Variants in HIPK1 observed in about 807,000 individuals in gnomAD.
HIPK1 encodes homeodomain-interacting protein kinase 1.
In HIPK1, 28 loss-of-function variants were observed where a neutral mutation model predicts 117.1. The ratio of observed to expected loss-of-function variants is 0.24; its 90% CI spans 0.18 to 0.33. The LOEUF is 0.33. Among genes scored for constraint, HIPK1 ranks in the 10% least tolerant of loss-of-function variants. The probability of loss-of-function intolerance (pLI) is 1.00; values close to 1 mark genes in which losing one functional copy is unlikely to be tolerated. For missense variants in HIPK1, 1,122 were observed against 1,475.1 expected, an observed-to-expected ratio of 0.76 and a Z score of 3.92; for synonymous variants, 605 against 562.5, an observed-to-expected ratio of 1.08 and a Z score of -1.07.
At chr1:113,957,768 A>G (rs918902073) in intron 7 of HIPK1, among the ~76,000 whole-genome samples, 1 of 151,864 alleles carries the variant, frequency 6.6e-6, no homozygotes, top group Non-Finnish European at 1.5e-5. Flanking sequence ...GGAAGAGCCT[A>G]TGAGATTTGG....
In HIPK1 at chr1:113,929,505, G is replaced by C; in HGVS notation, c.-30G>C. 7.8e-7 allele frequency: 1 copy of C among 1,289,336 alleles called. No individual in the cohort carries two copies. Among genetic ancestry groups the C allele is most frequent in the Non-Finnish European group, 1.0e-6 (1 of 988,810 alleles). 79.9% of individuals were successfully genotyped at this position (1,289,336 alleles called of 1,614,324 possible). On this transcript the variant is annotated 5_prime_UTR_variant, in exon 1 of 16. Coordinates refer to ENST00000426820, the MANE Select transcript of HIPK1 (RefSeq NM_198268.3). ...ATCAGTACTATGCGATCGTCCTAGA[G>C]AGTCCATTCAGCTGCACTTCCGCCT...
chr1:113,969,607 A>G (rs749003814), intron 13 of HIPK1, among the ~76,000 whole-genome samples: 5 of 152,120 alleles, frequency 3.3e-5, no homozygotes, highest in Non-Finnish European at 7.4e-5. Flanking sequence ...TCTAAGAAAC[A>G]TTGCTTAAAA....
intron 13 of HIPK1, 131 bp from the exon 14 acceptor site, chr1:113,969,825 T>G: frequency 1.1e-6 from 1 of 941,904 alleles, no homozygotes; most frequent in Non-Finnish European, 1.7e-6. Context: ...GAGGATAGCT[T>G]GAGCCCAGGA....
At chr1:113,944,157 G>T (rs1289786158) in intron 2 of HIPK1, among the ~76,000 whole-genome samples, 1 of 107,900 alleles carries the variant, frequency 9.3e-6, no homozygotes, top group East Asian at 3.0e-4. Flanking sequence ...TAATAGCCAT[G>T]GGTTTTTTTT....
At chr1:113,960,066 G>A (rs1671996507) in intron 8 of HIPK1, among the ~76,000 whole-genome samples, 1 of 152,090 alleles carries the variant, frequency 6.6e-6, no homozygotes, top group East Asian at 1.9e-4. Flanking sequence ...CCCTTCAGTT[G>A]CCAGCCATCA....
chr1:113,936,031 T>C lies in HIPK1; in HGVS notation c.-2-4351T>C, dbSNP rs1448266027. Among the ~76,000 whole-genome samples the C allele has an allele frequency of 2.6e-5, 4 of 152,354 alleles. No homozygotes were observed. The East Asian group carries it at 7.7e-4, about 29-fold the overall frequency. Reference sequence around the variant, plus strand: ...TAGAACATAATATCTTTATCCTGTGTCTAGAAATTGCTGTTTTAGCTGAGT... The same window carrying C: ...TAGAACATAATATCTTTATCCTGTGCCTAGAAATTGCTGTTTTAGCTGAGT... On this transcript the variant is annotated intron_variant, in intron 1 of 15. Coordinates refer to ENST00000426820, the MANE Select transcript of HIPK1 (RefSeq NM_198268.3).
intron 2 of HIPK1, among the ~76,000 whole-genome samples, chr1:113,951,775 A>G (rs1671375282): frequency 6.6e-6 from 1 of 152,198 alleles, no homozygotes; most frequent in Admixed American, 6.5e-5. Flanking sequence ...GCACAGAGAG[A>G]TCAAGTAATA....
intron 1 of HIPK1, among the ~76,000 whole-genome samples, chr1:113,935,681 A>G (rs1186936057): frequency 6.6e-6 from 1 of 152,196 alleles, no homozygotes. Flanking sequence ...CCTTGCCAGC[A>G]TCTGTTATTT....
chr1:113,962,341 A>T lies in HIPK1; in HGVS notation c.2006A>T (p.His669Leu). Reference protein sequence around the residue: ...FQTGLQATTKHSGFPVRMDNA... With the variant: ...FQTGLQATTKLSGFPVRMDNA... ...GCTGGACTACAAGCAACAACAAAGC[A>T]TTCTGGATTCCCTGTGAGGATGGAT... is the stretch of plus-strand genomic sequence containing the variant. Residue 669 changes from histidine to leucine, a missense_variant, in exon 9 of 16, where the codon CAT becomes CTT. Physicochemically the swap from His to Leu is moderately conservative, Grantham distance 99. Around this residue, in one of 6 missense-constraint regions of HIPK1, gnomAD observed 731 missense variants for 860.4 expected, o/e 0.85. Transcript: ENST00000426820. 4.3e-6 allele frequency: 7 copies of T among 1,613,970 alleles called. No homozygotes were observed. The highest frequency in any genetic ancestry group is 5.9e-6 in the Non-Finnish European group (7 of 1,179,876).
intron 14 of HIPK1, among the ~76,000 whole-genome samples, chr1:113,970,958 G>T (rs1180766479): frequency 6.6e-6 from 1 of 152,198 alleles, no homozygotes; most frequent in Non-Finnish European, 1.5e-5. Flanking sequence ...AGATGCAAGT[G>T]AGCCCAGGCA....
At chr1:113,946,179 G>A (rs1670980507) in intron 2 of HIPK1, among the ~76,000 whole-genome samples, 2 of 152,098 alleles carry the variant, frequency 1.3e-5, no homozygotes, top group South Asian at 2.1e-4. Flanking sequence ...CCTTTGAGCA[G>A]TCTCACCACC....
intron 2 of HIPK1, among the ~76,000 whole-genome samples, chr1:113,950,453 A>T (rs1245109856): frequency 6.6e-6 from 1 of 152,220 alleles, no homozygotes. Context: ...TATTTGGAGA[A>T]GATGATCCAG....
intron 4 of HIPK1, among the ~76,000 whole-genome samples, chr1:113,955,225 T>C (rs1477631893): frequency 6.6e-6 from 1 of 152,260 alleles, no homozygotes. Flanking sequence ...ACTAACCCTG[T>C]GACTGTGTGT....
intron 11 of HIPK1, 96 bp downstream of exon 11, chr1:113,966,368 G>C (rs1037503003): frequency 8.3e-7 from 1 of 1,201,072 alleles, no homozygotes; most frequent in Admixed American, 2.9e-5. Flanking sequence ...AGAAAATAAA[G>C]GAAAATTTGA....
At chr1:113,962,252 A>G in intron 8 of HIPK1, 65 bp from the exon 9 acceptor site, 3 of 1,533,716 alleles carry the variant, frequency 2.0e-6, no homozygotes, top group East Asian at 4.6e-5. Context: ...CTGAAAACAA[A>G]ATAATCTTAA....
rs747522003 is a variant in HIPK1 at position 113,963,455 on chromosome 1, G to A, written c.2172G>A (p.Ala724=). 3.1e-6 allele frequency: 5 copies of A among 1,614,188 alleles called. No individual in the cohort carries two copies. Among genetic ancestry groups the A allele is most frequent in the East Asian group, 2.2e-5 (1 of 44,884 alleles). ...PQVATITPQY[A]VPFTLSCAAG... Reference sequence around the variant, plus strand: ...TAGCCACCATCACACCGCAGTATGCGGTGCCCTTTACTCTGAGCTGCGCAG... The same window carrying A: ...TAGCCACCATCACACCGCAGTATGCAGTGCCCTTTACTCTGAGCTGCGCAG... The change falls in exon 10 of 16, where the codon GCG becomes GCA. Residue 724 remains alanine, a synonymous_variant. Coordinates refer to ENST00000426820, the MANE Select transcript of HIPK1 (RefSeq NM_198268.3).
In HIPK1 at chr1:113,975,376, C is replaced by T. The variant is rs1033622306; in HGVS notation, c.*1864C>T. On this transcript the variant is annotated 3_prime_UTR_variant, in exon 16 of 16. Transcript: ENST00000426820. ...CATTTTGGATTCTCGGCTGAGTTCT[C>T]ACAGAAGCATTTTCCCCATGTGGCT... 6 of 152,766 alleles carry T rather than the reference C, an allele frequency of 3.9e-5. No individual in the cohort carries two copies. Among genetic ancestry groups the T allele is most frequent in the African/African-American group, 1.4e-4 (6 of 41,442 alleles). The allele number at this position is 152,766 out of a possible 1,614,324, so 9.5% of individuals were successfully genotyped here.
chr1:113,967,831 A>G lies in HIPK1; in HGVS notation c.2447A>G (p.His816Arg), dbSNP rs531571299. 6 of 1,612,416 alleles carry G rather than the reference A, an allele frequency of 3.7e-6. No individual in the cohort carries two copies. The highest frequency in any genetic ancestry group is 2.2e-5 in the East Asian group (1 of 44,780). The change falls in exon 12 of 16, where the codon CAT (histidine) becomes CGT (arginine). Residue 816 changes from histidine (H) to arginine (R), a missense_variant. By Grantham distance (29) the His-to-Arg change is conservative. Coordinates refer to ENST00000426820, the MANE Select transcript of HIPK1 (RefSeq NM_198268.3). Reference sequence around the variant, plus strand: ...CAGCAGCCATCCTTGCTGACTAACCATGTGACATTGGCCACTGCTCAGCCT... The same window carrying G: ...CAGCAGCCATCCTTGCTGACTAACCGTGTGACATTGGCCACTGCTCAGCCT... The part of the protein sequence containing the change: ...IMQQPSLLTN[H>R]VTLATAQPLN...
intron 6 of HIPK1, 118 bp downstream of exon 6, chr1:113,956,929 G>A: frequency 9.8e-7 from 1 of 1,023,672 alleles, no homozygotes; most frequent in African/African-American, 1.6e-5. Context: ...GCTCAGCAGT[G>A]CTTTTCTTTC....
Sources: allele counts gnomAD v4.1 joint callset (sites outside exome capture counted in the v4.1 genomes callset), GRCh38; gene constraint gnomAD v4.1.1; regional missense constraint gnomAD v4.1.1; transcripts MANE v1.5; gene names NCBI Gene and HGNC (gene_info 2026-07-23, HGNC 2026-07-21).